PCDHA1: variants seen among roughly 807,000 people sequenced by gnomAD.
The protein encoded by PCDHA1 is protocadherin alpha-1.
Under a neutral mutation model 61.3 loss-of-function variants are expected in PCDHA1, and 42 were observed. The ratio of observed to expected loss-of-function variants is 0.69; its 90% confidence interval spans 0.54 to 0.89. The LOEUF is 0.89. Ranked by LOEUF, PCDHA1 falls within the 40% of genes least tolerant of loss-of-function variation. PCDHA1 has a pLI of 0.00. For synonymous variants in PCDHA1, 610 were observed against 553.8 expected, an observed-to-expected ratio of 1.10 and a Z score of -1.43; for missense variants, 1,256 against 1,235.3, an observed-to-expected ratio of 1.02 and a Z score of -0.25.
In PCDHA1 at chr5:140,856,890, G is replaced by A. The variant is rs782469336; in HGVS notation, c.2394+68206G>A. On this transcript the variant is annotated intron_variant, in intron 1 of 3. Transcript: ENST00000504120. ...AACAAGGAAATGATGTATTCATTTA[G>A]CTCTTTGGTCCCACCCACGATAAGA... 2.1e-5 allele frequency: 34 copies of A among 1,596,056 alleles called. 3 individuals carry two copies. The highest frequency in any genetic ancestry group is 2.9e-5 in the Non-Finnish European group (34 of 1,165,980).
intron 3 of PCDHA1, among the ~76,000 whole-genome samples, chr5:141,005,572 C>T (rs548748234): frequency 4.6e-5 from 7 of 151,094 alleles, no homozygotes; most frequent in East Asian, 1.9e-4. Context: ...CATGGTGGCG[C>T]GTGCCTGTAG....
intron 1 of PCDHA1, chr5:140,801,299 C>T (rs554911037): frequency 5.6e-6 from 9 of 1,613,446 alleles, no homozygotes; most frequent in African/African-American, 5.3e-5. Flanking sequence ...TCCACTACTC[C>T]GTCTCTGAGG....
At chr5:140,808,546 G>C in intron 1 of PCDHA1, 1 of 1,614,122 alleles carries the variant, frequency 6.2e-7, no homozygotes, top group African/African-American at 1.3e-5. Context: ...ACAACGCTCC[G>C]GCGTTCGCGC....
At chr5:140,875,894 C>T in intron 1 of PCDHA1, 1 of 1,614,170 alleles carries the variant, frequency 6.2e-7, no homozygotes, top group Non-Finnish European at 8.5e-7. Context: ...CAAAAGGTAC[C>T]TGTTTCTGAA....
At chr5:140,937,890 C>G (rs1209951664) in intron 1 of PCDHA1, among the ~76,000 whole-genome samples, 1 of 145,964 alleles carries the variant, frequency 6.9e-6, no homozygotes, top group Non-Finnish European at 1.5e-5. Flanking sequence ...CCAGCCTGGG[C>G]GACAGAGTGA....
At chr5:140,867,774 G>A (rs937544863) in intron 1 of PCDHA1, 2 of 151,934 alleles carry the variant, frequency 1.3e-5, no homozygotes, top group African/African-American at 4.8e-5. Flanking sequence ...ACTCTCATAA[G>A]CAATTCCTGT....
intron 1 of PCDHA1, among the ~76,000 whole-genome samples, chr5:140,952,271 G>A (rs561917046): frequency 6.6e-6 from 1 of 151,646 alleles, no homozygotes; most frequent in East Asian, 2.0e-4. Flanking sequence ...CTGGGGTCTT[G>A]AGGGTGGTGG....
At chr5:140,826,757 A>G (rs1320078867) in intron 1 of PCDHA1, among the ~76,000 whole-genome samples, 2 of 152,200 alleles carry the variant, frequency 1.3e-5, no homozygotes, top group South Asian at 2.1e-4. Flanking sequence ...AATAAGATTC[A>G]TATTGGAGAG....
Position 140,850,298 on chromosome 5 carries a change from G to C in PCDHA1, c.2394+61614G>C, listed in dbSNP as rs200693140. ...AGGTGCGCGCAGTGGACGCCGACTCGGGCTACAACGCGTGGCTTTCATACG... is the reference window on the plus strand; with the variant it reads ...AGGTGCGCGCAGTGGACGCCGACTCCGGCTACAACGCGTGGCTTTCATACG... On this transcript the variant is annotated intron_variant, in intron 1 of 3. Coordinates refer to ENST00000504120, the MANE Select transcript of PCDHA1 (RefSeq NM_018900.4). The C allele has an allele frequency of 4.2e-5, 67 of 1,596,354 alleles. 8 individuals are homozygous for C. Among genetic ancestry groups the C allele is most frequent in the Middle Eastern group, 3.9e-4 (2 of 5,190 alleles).
chr5:140,836,654 G>A (rs1164686105), intron 1 of PCDHA1: 7 of 1,613,324 alleles, frequency 4.3e-6, no homozygotes, highest in Middle Eastern at 1.6e-4. Context: ...GGCGGCAGAG[G>A]GTGTGCTCTG....
chr5:140,796,145 C>A, intron 1 of PCDHA1: 1 of 1,614,236 alleles, frequency 6.2e-7, no homozygotes, highest in Non-Finnish European at 8.5e-7. Context: ...CCCCACGTCC[C>A]TTTCAAGCTG....
chr5:140,850,523 A>G (rs2150487907), intron 1 of PCDHA1: 1 of 1,598,226 alleles, frequency 6.3e-7, no homozygotes, highest in Non-Finnish European at 8.6e-7. Flanking sequence ...GCCAGGCGCC[A>G]AAGTCATCGT....
Position 140,786,187 on chromosome 5 carries a change from A to C in PCDHA1, c.-104A>C. On this transcript the variant is annotated 5_prime_UTR_variant, in exon 1 of 4. Transcript: ENST00000504120. ...GGAAGCTCCATTTTGTCACCGCCTG[A>C]GAGAAGACAGAAACGGTAAAGAGAT... 1 of 1,430,860 alleles carries C rather than the reference A, an allele frequency of 7.0e-7. No homozygotes were observed. The highest frequency in any genetic ancestry group is 9.4e-7 in the Non-Finnish European group (1 of 1,061,258). The allele number at this position is 1,430,860 out of a possible 1,614,324, so 88.6% of individuals were successfully genotyped here. A position where few individuals can be genotyped will look rare whatever the true frequency, so the allele number is the denominator to read the frequency against.
At chr5:140,857,501 G>A in intron 1 of PCDHA1, 1 of 1,598,358 alleles carries the variant, frequency 6.3e-7, no homozygotes, top group Non-Finnish European at 8.6e-7. Context: ...GGACGCGCAG[G>A]AGAACGCCCT....
intron 1 of PCDHA1, chr5:140,829,737 T>C (rs2150173685): frequency 3.1e-6 from 5 of 1,613,542 alleles, no homozygotes; most frequent in East Asian, 4.5e-5. Flanking sequence ...GGCAGCAACG[T>C]GACGCTGCAG....
chr5:140,984,659 C>G (rs560265457), intron 3 of PCDHA1, among the ~76,000 whole-genome samples: 4 of 152,246 alleles, frequency 2.6e-5, no homozygotes, highest in African/African-American at 9.6e-5. Flanking sequence ...CCTTCTGGTA[C>G]TTTTAGGTTT....
intron 1 of PCDHA1, among the ~76,000 whole-genome samples, chr5:140,962,103 T>C (rs1401131367): frequency 1.3e-5 from 2 of 152,020 alleles, no homozygotes; most frequent in African/African-American, 4.8e-5. Flanking sequence ...GCCAGGATGG[T>C]CTCGATCTCC....
In PCDHA1 at chr5:140,884,236, G is replaced by A. The variant is rs368136155; in HGVS notation, c.2395-94713G>A. ...TGGTGCTGGTGAAGGACCACGGTGAGCCCGCGCTGACGGCCACGGCAACGG... is the reference window on the plus strand; with the variant it reads ...TGGTGCTGGTGAAGGACCACGGTGAACCCGCGCTGACGGCCACGGCAACGG... On this transcript the variant is annotated intron_variant, in intron 1 of 3. Transcript: ENST00000504120. 11 of 1,613,334 alleles carry A rather than the reference G, an allele frequency of 6.8e-6. No homozygotes were observed. The African/African-American group carries it at 1.2e-4, about 18-fold the overall frequency.
rs1299699078 is a variant in PCDHA1 at position 140,843,118 on chromosome 5, C to G, written c.2394+54434C>G. 1.7e-5 allele frequency: 27 copies of G among 1,595,720 alleles called. 3 individuals carry two copies. Among genetic ancestry groups the G allele is most frequent in the African/African-American group, 4.0e-5 (3 of 74,428 alleles). The stretch of plus-strand genomic sequence containing the variant: ...TAGCGAAGGTGCGCGCAGTGGACGC[C>G]GACTCGGGCTACAACGCGTGGCTTT... On this transcript the variant is annotated intron_variant, in intron 1 of 3. Transcript: ENST00000504120.
Sources: allele counts gnomAD v4.1 joint callset (sites outside exome capture counted in the v4.1 genomes callset), GRCh38; gene constraint gnomAD v4.1.1; transcripts MANE v1.5; gene names NCBI Gene and HGNC (gene_info 2026-07-23, HGNC 2026-07-21).